ARHGAP15: variants seen among roughly 807,000 people sequenced by gnomAD.
ARHGAP15 encodes the protein Rho GTPase activating protein 15, also known as rho GTPase-activating protein 15.
A neutral mutation model predicts 63.7 loss-of-function variants in ARHGAP15; 51 were observed. The ratio of observed to expected loss-of-function variants is 0.80; its 90% CI spans 0.64 to 1.01. ARHGAP15 has a LOEUF of 1.01. Ranked by LOEUF, ARHGAP15 falls within the 50% of genes least tolerant of loss-of-function variation. ARHGAP15 has a pLI of 0.00. For synonymous variants in ARHGAP15, 191 were observed against 193.8 expected, an observed-to-expected ratio of 0.99 and a Z score of 0.12; for missense variants, 560 against 564.6, an observed-to-expected ratio of 0.99 and a Z score of 0.08.
chr2:143,339,527 TTA>T (rs1488319290), intron 6 of ARHGAP15, among the ~76,000 whole-genome samples: 1 of 152,090 alleles, frequency 6.6e-6, no homozygotes, highest in African/African-American at 2.4e-5. Flanking sequence ...TGAAGACAGA[TTA>T]TGTTATATTC....
At chr2:143,317,714 T>C (rs1683784481) in intron 6 of ARHGAP15, among the ~76,000 whole-genome samples, 2 of 152,202 alleles carry the variant, frequency 1.3e-5, no homozygotes, top group South Asian at 2.1e-4. Flanking sequence ...AAGATAGTTA[T>C]GTGTTCATAA....
At chr2:143,267,232 A>G (rs763566382) in intron 6 of ARHGAP15, among the ~76,000 whole-genome samples, 7 of 152,162 alleles carry the variant, frequency 4.6e-5, no homozygotes, top group Non-Finnish European at 8.8e-5. Context: ...GGTTTGCCAT[A>G]GTTGTTGTTG....
chr2:143,370,859 A>C (rs142478936), intron 6 of ARHGAP15, among the ~76,000 whole-genome samples: 1 of 152,192 alleles, frequency 6.6e-6, no homozygotes, highest in Non-Finnish European at 1.5e-5. Flanking sequence ...AACCCATGTT[A>C]AAAGTTTAAT....
chr2:143,312,900 ACTC>A (rs754677705), intron 6 of ARHGAP15, among the ~76,000 whole-genome samples: 9 of 152,140 alleles, frequency 5.9e-5, no homozygotes, highest in Non-Finnish European at 1.3e-4. Context: ...CTAATATACT[ACTC>A]ATCTATAACT....
At chr2:143,200,906 T>G (rs1210542611) in intron 2 of ARHGAP15, among the ~76,000 whole-genome samples, 1 of 152,070 alleles carries the variant, frequency 6.6e-6, no homozygotes, top group African/African-American at 2.4e-5. Context: ...TATGAAATAT[T>G]TTGTCCTAGT....
intron 6 of ARHGAP15, among the ~76,000 whole-genome samples, chr2:143,269,791 A>G (rs1681181409): frequency 6.6e-6 from 1 of 152,164 alleles, no homozygotes; most frequent in South Asian, 2.1e-4. Flanking sequence ...TCTCAGGGAT[A>G]TACTGGCCAC....
At chr2:143,317,427 T>C (rs1218873180) in intron 6 of ARHGAP15, among the ~76,000 whole-genome samples, 1 of 152,212 alleles carries the variant, frequency 6.6e-6, no homozygotes, top group Non-Finnish European at 1.5e-5. Flanking sequence ...AATAGGCATA[T>C]ATTGCACAAA....
At chr2:143,723,658 A>G (rs377039301) in intron 13 of ARHGAP15, among the ~76,000 whole-genome samples, 2 of 152,218 alleles carry the variant, frequency 1.3e-5, no homozygotes, top group African/African-American at 4.8e-5. Context: ...GCACTGTTCT[A>G]GGAGCTTATC....
intron 6 of ARHGAP15, among the ~76,000 whole-genome samples, chr2:143,426,369 T>C (rs1689137513): frequency 6.6e-6 from 1 of 152,114 alleles, no homozygotes; most frequent in Non-Finnish European, 1.5e-5. Context: ...TTTAGCATCC[T>C]AAGAGAAGTA....
intron 6 of ARHGAP15, among the ~76,000 whole-genome samples, chr2:143,287,320 G>C (rs1476765911): frequency 1.3e-5 from 2 of 152,056 alleles, no homozygotes; most frequent in Admixed American, 1.3e-4. Context: ...GTACTACTTA[G>C]GACAAGCGCT....
chr2:143,226,438 G>A (rs576961889), intron 4 of ARHGAP15, among the ~76,000 whole-genome samples: 4 of 152,342 alleles, frequency 2.6e-5, no homozygotes, highest in African/African-American at 7.2e-5. Flanking sequence ...GTGTGAGGGT[G>A]TTCTGTACTC....
At chr2:143,299,732 T>G (rs779778785) in intron 6 of ARHGAP15, among the ~76,000 whole-genome samples, 4 of 152,032 alleles carry the variant, frequency 2.6e-5, no homozygotes, top group Non-Finnish European at 4.4e-5. Flanking sequence ...TCTAAAGAGT[T>G]CTTCTGTAGG....
chr2:143,509,984 C>T (rs950247481), intron 9 of ARHGAP15, among the ~76,000 whole-genome samples: 3 of 131,506 alleles, frequency 2.3e-5, no homozygotes, highest in East Asian at 4.6e-4. Flanking sequence ...TGTACCACTG[C>T]ACTCCAGCCT....
chr2:143,167,068 C>T (rs1295488937), intron 2 of ARHGAP15, among the ~76,000 whole-genome samples: 3 of 152,084 alleles, frequency 2.0e-5, no homozygotes, highest in South Asian at 2.1e-4. Flanking sequence ...TGTTTCAACA[C>T]GAAAACTGAA....
chr2:143,747,896 A>T (rs1008584576), intron 13 of ARHGAP15, among the ~76,000 whole-genome samples: 1 of 152,092 alleles, frequency 6.6e-6, no homozygotes, highest in African/African-American at 2.4e-5. Flanking sequence ...GAACACATAT[A>T]CTTTTTACCT....
intron 6 of ARHGAP15, among the ~76,000 whole-genome samples, chr2:143,257,058 A>G (rs1319525887): frequency 6.6e-6 from 1 of 152,146 alleles, no homozygotes; most frequent in Non-Finnish European, 1.5e-5. Flanking sequence ...AATATATTCT[A>G]GACATCTAGA....
At chr2:143,311,246 G>C (rs891021918) in intron 6 of ARHGAP15, among the ~76,000 whole-genome samples, 1 of 150,684 alleles carries the variant, frequency 6.6e-6, no homozygotes, top group Non-Finnish European at 1.5e-5. Flanking sequence ...ATTCAAAGAC[G>C]TCCAGTTTTA....
At chr2:143,506,620 G>T (rs1163739404) in intron 9 of ARHGAP15, among the ~76,000 whole-genome samples, 1 of 152,132 alleles carries the variant, frequency 6.6e-6, no homozygotes, top group Non-Finnish European at 1.5e-5. Flanking sequence ...CTAATGAGAT[G>T]ATGACAGGCA....
chr2:143,538,104 A>C (rs1295346285), intron 10 of ARHGAP15, among the ~76,000 whole-genome samples: 1 of 152,096 alleles, frequency 6.6e-6, no homozygotes, highest in Non-Finnish European at 1.5e-5. Flanking sequence ...CATCCCTTGT[A>C]AGTTGGATTC....
Sources: gnomAD v4.1 joint callset for allele counts (sites outside exome capture counted in the v4.1 genomes callset) on GRCh38, gnomAD v4.1.1 for gene constraint, MANE v1.5 for transcripts, NCBI Gene and HGNC (gene_info 2026-07-23, HGNC 2026-07-21) for gene names.